ARHGAP40: variants seen among roughly 807,000 people sequenced by gnomAD.
The protein encoded by ARHGAP40 is rho GTPase-activating protein 40.
ARHGAP40 carries 43 observed loss-of-function variants against 73.5 expected under a neutral mutation model. That is an observed-to-expected ratio of 0.58 (90% CI 0.46 to 0.75). The LOEUF (loss-of-function observed/expected upper bound fraction) is 0.75. ARHGAP40 is among the 30% of genes least tolerant of loss of function. ARHGAP40 has a pLI of 0.00. For missense variants in ARHGAP40, 734 were observed against 861.8 expected (o/e 0.85, Z 1.86); for synonymous variants, 300 against 352.8 (o/e 0.85, Z 1.68).
intron 9 of ARHGAP40, among the ~76,000 whole-genome samples, chr20:38,640,075 G>GGTT (rs1251891450): frequency 3.7e-5 from 5 of 135,880 alleles, no homozygotes; most frequent in African/African-American, 6.0e-5. Flanking sequence ...GCAGCGTTTT[G>GGTT]GTTGTTGTTG....
intron 6 of ARHGAP40, among the ~76,000 whole-genome samples, chr20:38,637,210 A>G (rs1452137939): frequency 6.6e-6 from 1 of 151,354 alleles, no homozygotes; most frequent in Non-Finnish European, 1.5e-5. Context: ...CCATGGTGCA[A>G]TCTTGGCTCA....
At chr20:38,637,626 G>T in intron 6 of ARHGAP40, 82 bp from the exon 7 acceptor site, 1 of 1,117,044 alleles carries the variant, frequency 9.0e-7, no homozygotes, top group Non-Finnish European at 1.2e-6. Context: ...TCTGATTCTA[G>T]TTGCCCAGGA....
intron 1 of ARHGAP40, among the ~76,000 whole-genome samples, chr20:38,608,745 T>C (rs77606081): frequency 0.011 from 1,638 of 152,152 alleles, 29 homozygotes; most frequent in African/African-American, 0.038. Context: ...GCTGAAACAA[T>C]ACAAAGGTAT....
At chr20:38,629,440 C>G in intron 4 of ARHGAP40, 62 bp from the exon 5 acceptor site, 1 of 1,297,660 alleles carries the variant, frequency 7.7e-7, no homozygotes, top group Non-Finnish European at 1.0e-6. Flanking sequence ...CGAACCCAAG[C>G]ACTTGCTTCC....
intron 1 of ARHGAP40, among the ~76,000 whole-genome samples, chr20:38,622,357 G>A (rs2088878084): frequency 1.3e-5 from 2 of 152,280 alleles, no homozygotes; most frequent in African/African-American, 4.8e-5. Flanking sequence ...TTGCTGGCAT[G>A]TGTCAGGGTC....
At chr20:38,637,295 G>A (rs1311813202) in intron 6 of ARHGAP40, among the ~76,000 whole-genome samples, 1 of 151,976 alleles carries the variant, frequency 6.6e-6, no homozygotes, top group South Asian at 2.1e-4. Flanking sequence ...ACAGACACCC[G>A]CTACCACACT....
intron 14 of ARHGAP40, among the ~76,000 whole-genome samples, chr20:38,649,305 C>T (rs2089072922): frequency 1.3e-5 from 2 of 152,208 alleles, no homozygotes. Context: ...GGCCAAGAAG[C>T]AGAAGCTAAG....
intron 1 of ARHGAP40, among the ~76,000 whole-genome samples, chr20:38,618,903 C>G (rs1352268687): frequency 1.3e-5 from 2 of 152,148 alleles, no homozygotes; most frequent in Non-Finnish European, 2.9e-5. Context: ...GACATAGGCC[C>G]CACCTCCCCA....
chr20:38,642,302 G>T (rs1230349047), intron 10 of ARHGAP40, among the ~76,000 whole-genome samples: 1 of 152,150 alleles, frequency 6.6e-6, no homozygotes, highest in Non-Finnish European at 1.5e-5. Flanking sequence ...AATTCTCCTT[G>T]TCGTATGGGA....
chr20:38,636,270 T>TA (rs1361040098), intron 6 of ARHGAP40, among the ~76,000 whole-genome samples: 39 of 151,788 alleles, frequency 2.6e-4, no homozygotes, highest in Admixed American at 2.6e-4. Flanking sequence ...ATTTATTTTT[T>TA]TTTTTTTTTG....
At chr20:38,623,333 C>A (rs1158608611) in intron 1 of ARHGAP40, 26 bp from the exon 2 acceptor site, 1 of 1,272,936 alleles carries the variant, frequency 7.9e-7, no homozygotes, top group South Asian at 1.3e-5. Flanking sequence ...TTGCTGACCT[C>A]CCTGCACCTT....
At chr20:38,619,758 G>T (rs1172266800) in intron 1 of ARHGAP40, among the ~76,000 whole-genome samples, 1 of 151,164 alleles carries the variant, frequency 6.6e-6, no homozygotes, top group Non-Finnish European at 1.5e-5. Context: ...CTGTAAGTTG[G>T]AAACAATAGC....
chr20:38,648,762 G>T lies in ARHGAP40; in HGVS notation c.1936+64G>T, dbSNP rs374333718. ...CCCTGGGAGTTCTTCGACCTCAAAG[G>T]CTCACTGGGCCCTTCTGTGGGAGGC... On this transcript the variant is annotated intron_variant, in intron 14 of 14. Transcript: ENST00000373345. 8,546 of 1,254,882 alleles carry T rather than the reference G, an allele frequency of 6.8e-3. 43 individuals are homozygous for T. Among genetic ancestry groups the T allele is most frequent in the Non-Finnish European group, 8.5e-3 (8,027 of 945,604 alleles). The allele number at this position is 1,254,882 out of a possible 1,614,324, so 77.7% of individuals were successfully genotyped here.
intron 1 of ARHGAP40, among the ~76,000 whole-genome samples, chr20:38,610,350 G>C (rs1163691475): frequency 6.6e-6 from 1 of 152,184 alleles, no homozygotes; most frequent in African/African-American, 2.4e-5. Flanking sequence ...TCACGTGGCA[G>C]AGTGTAACAT....
In ARHGAP40 at chr20:38,614,628, A is replaced by G. The variant is rs568198756; in HGVS notation, c.138-8731A>G. ...TGCAGGAGACCCAAGCGGCTCTGCTAGGGACAATAACTTATTTGCCTAAAG... is the reference window on the plus strand; with the variant it reads ...TGCAGGAGACCCAAGCGGCTCTGCTGGGGACAATAACTTATTTGCCTAAAG... On this transcript the variant is annotated intron_variant, in intron 1 of 14. Transcript: ENST00000373345. 3.1e-3 allele frequency among the ~76,000 whole-genome samples: 468 copies of G among 152,324 alleles called. 2 individuals carry two copies. The highest frequency in any genetic ancestry group is 0.01 in the African/African-American group (427 of 41,566).
chr20:38,609,518 T>C (rs1050824585), intron 1 of ARHGAP40, among the ~76,000 whole-genome samples: 1 of 152,200 alleles, frequency 6.6e-6, no homozygotes, highest in Admixed American at 6.5e-5. Context: ...ATAAAAAGAA[T>C]GTCTCTGGTC....
At chr20:38,618,703 A>G (rs894091235) in intron 1 of ARHGAP40, among the ~76,000 whole-genome samples, 2 of 152,074 alleles carry the variant, frequency 1.3e-5, no homozygotes, top group African/African-American at 2.4e-5. Context: ...TGACTGGGGC[A>G]CCTGCATGTC....
At chr20:38,635,588 G>A (rs977559368) in intron 6 of ARHGAP40, among the ~76,000 whole-genome samples, 3 of 152,082 alleles carry the variant, frequency 2.0e-5, no homozygotes, top group South Asian at 4.1e-4. Context: ...ACTTGAGCCC[G>A]GGAGGTGAAG....
intron 1 of ARHGAP40, among the ~76,000 whole-genome samples, chr20:38,609,065 G>A (rs2088790062): frequency 6.6e-6 from 1 of 152,148 alleles, no homozygotes; most frequent in South Asian, 2.1e-4. Flanking sequence ...AAAATCAGCT[G>A]ATTAGCAACT....
Sources: gnomAD v4.1 joint callset for allele counts (sites outside exome capture counted in the v4.1 genomes callset) on GRCh38, gnomAD v4.1.1 for gene constraint, MANE v1.5 for transcripts, NCBI Gene and HGNC (gene_info 2026-07-23, HGNC 2026-07-21) for gene names.